The following PCDHAC1 variants were observed in gnomAD, a reference collection of about 807,000 sequenced individuals.
PCDHAC1 encodes the protein protocadherin alpha-C1.
A neutral mutation model predicts 60.0 loss-of-function variants in PCDHAC1; 42 were observed. The ratio of observed to expected loss-of-function variants is 0.70; its 90% CI spans 0.55 to 0.90. The LOEUF is 0.90. Among genes scored for constraint, PCDHAC1 ranks in the 40% least tolerant of loss-of-function variants. The pLI is 0.00. For missense variants in PCDHAC1, 1,160 were observed against 1,222.3 expected (o/e 0.95, Z 0.76); for synonymous variants, 468 against 499.3 (o/e 0.94, Z 0.84).
chr5:140,988,524 T>C (rs1338675660), intron 3 of PCDHAC1, among the ~76,000 whole-genome samples: 2 of 152,212 alleles, frequency 1.3e-5, no homozygotes, highest in East Asian at 3.8e-4. Context: ...AAGTCTCTGC[T>C]GGCTCCATCC....
chr5:140,991,310 C>T (rs1450251256), intron 3 of PCDHAC1, among the ~76,000 whole-genome samples: 2 of 152,140 alleles, frequency 1.3e-5, no homozygotes, highest in Admixed American at 6.5e-5. Flanking sequence ...TATCTTGTCC[C>T]GCATGATACA....
intron 1 of PCDHAC1, chr5:140,969,003 G>A: frequency 6.2e-7 from 1 of 1,614,226 alleles, no homozygotes; most frequent in Admixed American, 1.7e-5. Context: ...GGAGGCTTCT[G>A]TGGAGTAAGG....
chr5:140,981,883 C>T (rs1488792007), intron 2 of PCDHAC1, among the ~76,000 whole-genome samples: 1 of 152,146 alleles, frequency 6.6e-6, no homozygotes, highest in Non-Finnish European at 1.5e-5. Context: ...GAATTAATCT[C>T]TTCTGAGCGG....
chr5:140,998,664 A>C (rs1204598567), intron 3 of PCDHAC1, among the ~76,000 whole-genome samples: 1 of 151,936 alleles, frequency 6.6e-6, no homozygotes, highest in Non-Finnish European at 1.5e-5. Flanking sequence ...TCCTGGGTTC[A>C]AGTGATTCTC....
chr5:141,008,540 T>C (rs1435875214), intron 3 of PCDHAC1, among the ~76,000 whole-genome samples: 2 of 152,190 alleles, frequency 1.3e-5, no homozygotes, highest in African/African-American at 4.8e-5. Context: ...ATGTCTTTTA[T>C]TGAAAACTCC....
chr5:140,982,094 G>T (rs2096965818), intron 2 of PCDHAC1, among the ~76,000 whole-genome samples: 1 of 152,230 alleles, frequency 6.6e-6, no homozygotes, highest in Admixed American at 6.5e-5. Context: ...AGGAACAAGA[G>T]AACCTGCAAG....
intron 1 of PCDHAC1, chr5:140,966,947 G>A (rs782439197): frequency 6.2e-7 from 1 of 1,603,520 alleles, no homozygotes; most frequent in Middle Eastern, 1.7e-4. Context: ...CGTGGGCAAC[G>A]TGGCTCGCGC....
intron 1 of PCDHAC1, among the ~76,000 whole-genome samples, chr5:140,969,831 G>A (rs559083785): frequency 3.9e-4 from 60 of 152,296 alleles, no homozygotes; most frequent in African/African-American, 1.4e-3. Context: ...TGTCTACAGT[G>A]GAAATTATCT....
At chr5:140,995,488 C>T (rs1402273935) in intron 3 of PCDHAC1, among the ~76,000 whole-genome samples, 26 of 152,182 alleles carry the variant, frequency 1.7e-4, no homozygotes, top group Admixed American at 1.6e-3. Context: ...TATTTTCAGA[C>T]TAAGGTTGAC....
rs58232896 is a variant in PCDHAC1 at position 140,946,262 on chromosome 5, C to T, written c.2433+16937C>T. Among the ~76,000 whole-genome samples the T allele has an allele frequency of 3.4e-3, 520 of 151,790 alleles. 2 individuals are homozygous for T. Among genetic ancestry groups the T allele is most frequent in the African/African-American group, 0.012 (483 of 41,394 alleles). On this transcript the variant is annotated intron_variant, in intron 1 of 3. Transcript: ENST00000253807. Reference sequence around the variant, plus strand: ...AACATCATGAATCATCAGAAAAATGCGAATTAAAACCCCAATGAGATATCA... The same window carrying T: ...AACATCATGAATCATCAGAAAAATGTGAATTAAAACCCCAATGAGATATCA...
chr5:140,973,586 C>A (rs1207651483), intron 1 of PCDHAC1, among the ~76,000 whole-genome samples: 1 of 152,176 alleles, frequency 6.6e-6, no homozygotes, highest in Non-Finnish European at 1.5e-5. Flanking sequence ...GACTGCTGAG[C>A]CAGATGGAAT....
chr5:140,957,222 G>A (rs537549328), intron 1 of PCDHAC1, among the ~76,000 whole-genome samples: 1 of 152,182 alleles, frequency 6.6e-6, no homozygotes, highest in East Asian at 1.9e-4. Context: ...AAAATTTGGC[G>A]AAGCATTTTG....
intron 1 of PCDHAC1, among the ~76,000 whole-genome samples, chr5:140,945,758 G>A (rs1483102794): frequency 6.6e-6 from 1 of 152,014 alleles, no homozygotes; most frequent in Non-Finnish European, 1.5e-5. Flanking sequence ...ATAAATGGTG[G>A]TGGGACAATT....
intron 1 of PCDHAC1, 41 bp from the exon 2 acceptor site, chr5:140,978,908 T>C: frequency 6.2e-7 from 1 of 1,613,772 alleles, no homozygotes; most frequent in Non-Finnish European, 8.5e-7. Context: ...GAGAACATTG[T>C]CTTGTCATTT....
chr5:140,950,874 G>C (rs1237864508), intron 1 of PCDHAC1, among the ~76,000 whole-genome samples: 20 of 151,700 alleles, frequency 1.3e-4, no homozygotes, highest in African/African-American at 4.8e-4. Flanking sequence ...ATTCTATATT[G>C]TTCAATAGGT....
intron 3 of PCDHAC1, among the ~76,000 whole-genome samples, chr5:140,988,599 G>A (rs782117836): frequency 6.6e-6 from 1 of 152,154 alleles, no homozygotes; most frequent in Non-Finnish European, 1.5e-5. Flanking sequence ...TAATGGTCAT[G>A]TAAATAAAAG....
chr5:140,986,834 C>T (rs2097214742), intron 3 of PCDHAC1, among the ~76,000 whole-genome samples: 1 of 152,104 alleles, frequency 6.6e-6, no homozygotes. Context: ...CAATGGTTCT[C>T]AAAGGGGCAG....
chr5:140,966,188 T>G (rs1454663585), intron 1 of PCDHAC1: 7 of 200,348 alleles, frequency 3.5e-5, no homozygotes, highest in Non-Finnish European at 6.9e-5. Context: ...ATAGCCAGAC[T>G]TCTAGGGGCT....
In PCDHAC1 at chr5:140,927,288, C is replaced by T. The variant is rs917590577; in HGVS notation, c.396C>T (p.His132=). 6.2e-7 allele frequency: 1 copy of T among 1,614,196 alleles called. No individual in the cohort carries two copies. The highest frequency in any genetic ancestry group is 8.5e-7 in the Non-Finnish European group (1 of 1,180,048). ...TTCCTGCCGGCGACGTGCAGCTGCA[C>T]ATCCCCGAGTTCCTGACGCCCGGAG... ...PLFPAGDVQL[H]IPEFLTPGAR... Residue 132 remains histidine (H), a synonymous_variant, in exon 1 of 4, where the codon CAC becomes CAT. Transcript: ENST00000253807.
Sources: gnomAD v4.1 joint callset for allele counts (sites outside exome capture counted in the v4.1 genomes callset) on GRCh38, gnomAD v4.1.1 for gene constraint, MANE v1.5 for transcripts, NCBI Gene and HGNC (gene_info 2026-07-23, HGNC 2026-07-21) for gene names.